The following PDE4D variants were observed in gnomAD, a reference collection of about 807,000 sequenced individuals.
PDE4D encodes phosphodiesterase 4D, also known as 3',5'-cyclic-AMP phosphodiesterase 4D.
Under a neutral mutation model 87.4 loss-of-function variants are expected in PDE4D, and 24 were observed. That is an observed-to-expected ratio of 0.27 (90% CI 0.20 to 0.39). PDE4D has a LOEUF of 0.39. Among genes scored for constraint, PDE4D ranks in the 10% least tolerant of loss-of-function variants. The pLI is 1.00. For synonymous variants in PDE4D, 384 were observed against 383.2 expected, an observed-to-expected ratio of 1.00 and a Z score of -0.02; for missense variants, 714 against 1,041.0, an observed-to-expected ratio of 0.69 and a Z score of 4.32.
At chr5:59,607,288 T>C (rs1048203989) in intron 1 of PDE4D, among the ~76,000 whole-genome samples, 4 of 152,244 alleles carry the variant, frequency 2.6e-5, no homozygotes, top group Non-Finnish European at 5.9e-5. Context: ...TTGGCTGCTG[T>C]TTTAGGATTA....
At chr5:59,582,960 G>GAAT (rs2153700580) in intron 1 of PDE4D, among the ~76,000 whole-genome samples, 1 of 152,162 alleles carries the variant, frequency 6.6e-6, no homozygotes, top group South Asian at 2.1e-4. Flanking sequence ...TCCTCAGAGG[G>GAAT]GCCCTCCATG....
chr5:59,262,584 G>A (rs455969), intron 1 of PDE4D, among the ~76,000 whole-genome samples: 34,268 of 151,654 alleles, frequency 0.23, 4,082 homozygotes, highest in Non-Finnish European at 0.26. Context: ...TTTGAAGGTC[G>A]GGGGTCAATC....
intron 3 of PDE4D, among the ~76,000 whole-genome samples, chr5:59,948,978 A>T (rs891742937): frequency 4.6e-5 from 7 of 152,224 alleles, no homozygotes; most frequent in Non-Finnish European, 1.0e-4. Flanking sequence ...TCATCCTCAA[A>T]CTGAAGCAAA....
intron 1 of PDE4D, among the ~76,000 whole-genome samples, chr5:59,465,317 A>C (rs1801417480): frequency 6.6e-6 from 1 of 151,954 alleles, no homozygotes; most frequent in Admixed American, 6.6e-5. Flanking sequence ...CACCTACACC[A>C]CCACTACCAT....
chr5:59,183,946 G>A (rs1044757972), intron 4 of PDE4D, among the ~76,000 whole-genome samples: 1 of 152,176 alleles, frequency 6.6e-6, no homozygotes, highest in Non-Finnish European at 1.5e-5. Flanking sequence ...CAGGCAACAG[G>A]AGCACAGAGA....
intron 2 of PDE4D, among the ~76,000 whole-genome samples, chr5:60,109,276 G>A (rs1777408473): frequency 6.6e-6 from 1 of 152,162 alleles, no homozygotes; most frequent in Non-Finnish European, 1.5e-5. Context: ...ACCATCACTG[G>A]CCATCAGAGG....
At chr5:60,211,290 G>A (rs1375238648) in intron 1 of PDE4D, among the ~76,000 whole-genome samples, 1 of 152,086 alleles carries the variant, frequency 6.6e-6, no homozygotes, top group Admixed American at 6.5e-5. Flanking sequence ...CAGTTCCCAG[G>A]AGGCGGAAAG....
intron 1 of PDE4D, among the ~76,000 whole-genome samples, chr5:59,283,772 G>A (rs1199377703): frequency 1.3e-5 from 2 of 151,928 alleles, no homozygotes; most frequent in Non-Finnish European, 2.9e-5. Context: ...CAGTCTCCTT[G>A]GATTGATTCA....
At chr5:60,368,861 C>A (rs1022710684) in intron 1 of PDE4D, among the ~76,000 whole-genome samples, 2 of 152,182 alleles carry the variant, frequency 1.3e-5, no homozygotes, top group African/African-American at 4.8e-5. Flanking sequence ...TTTCCTGAGG[C>A]CTCCCCAGAA....
chr5:59,608,162 G>A (rs986510929), intron 1 of PDE4D, among the ~76,000 whole-genome samples: 3 of 152,018 alleles, frequency 2.0e-5, no homozygotes, highest in Non-Finnish European at 2.9e-5. Context: ...CCTTTAACAC[G>A]TTTCAACAAT....
chr5:59,775,330 A>G (rs1763971178), intron 1 of PDE4D, among the ~76,000 whole-genome samples: 2 of 152,192 alleles, frequency 1.3e-5, no homozygotes, highest in Non-Finnish European at 2.9e-5. Context: ...CTCAATCTGT[A>G]CTAGATCATC....
chr5:59,439,647 T>TA (rs1313551241), intron 1 of PDE4D, among the ~76,000 whole-genome samples: 1 of 151,972 alleles, frequency 6.6e-6, no homozygotes, highest in Non-Finnish European at 1.5e-5. Context: ...GTAAGTAAAA[T>TA]ATATAAGAGA....
At chr5:59,104,065 C>T (rs867080151) in intron 5 of PDE4D, among the ~76,000 whole-genome samples, 1 of 152,148 alleles carries the variant, frequency 6.6e-6, no homozygotes, top group African/African-American at 2.4e-5. Context: ...AAAATGTTAG[C>T]TGAATTAAAT....
At chr5:60,495,086 C>T (rs1045419943) in intron 1 of PDE4D, among the ~76,000 whole-genome samples, 1 of 152,218 alleles carries the variant, frequency 6.6e-6, no homozygotes, top group East Asian at 1.9e-4. Context: ...AGAGTTCTCA[C>T]TTCTTTAACC....
chr5:59,751,494 A>C (rs1196558698), intron 1 of PDE4D, among the ~76,000 whole-genome samples: 2 of 152,024 alleles, frequency 1.3e-5, no homozygotes, highest in Admixed American at 1.3e-4. Context: ...TAAGAACTCA[A>C]AATGTCACTT....
chr5:59,328,632 A>G (rs1776147455), intron 1 of PDE4D, among the ~76,000 whole-genome samples: 1 of 152,222 alleles, frequency 6.6e-6, no homozygotes, highest in South Asian at 2.1e-4. Flanking sequence ...ACACTCATGT[A>G]GTGCCTTGGT....
intron 1 of PDE4D, among the ~76,000 whole-genome samples, chr5:60,226,651 C>T (rs1745138805): frequency 1.3e-5 from 2 of 152,036 alleles, no homozygotes; most frequent in Admixed American, 1.3e-4. Context: ...TAAAAGAAAG[C>T]AGGCTGGAAT....
At chr5:59,253,536 G>A (rs989417924) in intron 1 of PDE4D, among the ~76,000 whole-genome samples, 6 of 152,044 alleles carry the variant, frequency 3.9e-5, no homozygotes, top group African/African-American at 1.4e-4. Flanking sequence ...GGATATAGAT[G>A]ATGATTGAAG....
chr5:59,893,413 C>T lies in PDE4D; in HGVS notation c.210G>A (p.Gln70=). Reference sequence around the variant, plus strand: ...GCGGCGGCGGCGGCTGTAGCGGACACTGGGGCTGGGGCTGGGGCGAGGGTG... The same window carrying T: ...GCGGCGGCGGCGGCTGTAGCGGACATTGGGGCTGGGGCTGGGGCGAGGGTG... ...PPPPSPQPQP[Q]CPLQPPPPPP... is the part of the protein sequence containing the mutation. The change falls in exon 1 of 15, where the codon CAG becomes CAA. Residue 70 remains glutamine (Q), a synonymous_variant. Transcript: ENST00000340635. 2 of 1,432,790 alleles carry T rather than the reference C, an allele frequency of 1.4e-6. No homozygotes were observed. Among genetic ancestry groups the T allele is most frequent in the Non-Finnish European group, 1.8e-6 (2 of 1,084,372 alleles). 88.8% of individuals were successfully genotyped at this position (1,432,790 alleles called of 1,614,324 possible).
Sources: allele counts gnomAD v4.1 joint callset (sites outside exome capture counted in the v4.1 genomes callset), GRCh38; gene constraint gnomAD v4.1.1; transcripts MANE v1.5; gene names NCBI Gene and HGNC (gene_info 2026-07-23, HGNC 2026-07-21).